ABTB2: variants seen among roughly 807,000 people sequenced by gnomAD.
ABTB2 encodes ankyrin repeat and BTB/POZ domain-containing protein 2.
A neutral mutation model predicts 104.1 loss-of-function variants in ABTB2; 56 were observed. The ratio of observed to expected loss-of-function variants is 0.54; its 90% CI spans 0.43 to 0.67. The LOEUF is 0.67. Among genes scored for constraint, ABTB2 ranks in the 30% least tolerant of loss-of-function variants. The pLI, the probability that ABTB2 is intolerant of heterozygous loss-of-function variation, is 0.00. For synonymous variants in ABTB2, 606 were observed against 608.2 expected, an observed-to-expected ratio of 1.00 and a Z score of 0.05; for missense variants, 1,279 against 1,407.7, an observed-to-expected ratio of 0.91 and a Z score of 1.46.
chr11:34,158,295 C>G (rs1183720530), intron 14 of ABTB2, among the ~76,000 whole-genome samples: 1 of 152,168 alleles, frequency 6.6e-6, no homozygotes. Flanking sequence ...CGCCTGTAGT[C>G]CCAGCTACTC....
chr11:34,194,366 G>A (rs1853220192), intron 3 of ABTB2, among the ~76,000 whole-genome samples: 1 of 152,198 alleles, frequency 6.6e-6, no homozygotes, highest in South Asian at 2.1e-4. Flanking sequence ...AACTCAGTCC[G>A]CCATGCTTCC....
intron 9 of ABTB2, among the ~76,000 whole-genome samples, chr11:34,164,217 C>T (rs545497309): frequency 1.3e-5 from 2 of 152,214 alleles, no homozygotes; most frequent in African/African-American, 4.8e-5. Flanking sequence ...TCCCGCCACA[C>T]CCCTGGGCAG....
chr11:34,302,023 G>A (rs977095052), intron 1 of ABTB2, among the ~76,000 whole-genome samples: 6 of 152,078 alleles, frequency 3.9e-5, no homozygotes, highest in African/African-American at 1.2e-4. Context: ...TACATGTCAG[G>A]GTATGACATT....
intron 1 of ABTB2, among the ~76,000 whole-genome samples, chr11:34,245,709 C>G (rs563356211): frequency 6.6e-6 from 1 of 152,172 alleles, no homozygotes; most frequent in Non-Finnish European, 1.5e-5. Context: ...GGCTCATACA[C>G]TCTGATGTAC....
rs374948651 is a variant in ABTB2, at chr11:34,266,415, C to T, written c.884-61725G>A. 2.6e-4 allele frequency among the ~76,000 whole-genome samples: 40 copies of T among 152,322 alleles called. No individual in the cohort carries two copies. In the East Asian group the frequency reaches 4.2e-3, roughly 16 times the overall value. On this transcript the variant is annotated intron_variant, in intron 1 of 16. Coordinates refer to ENST00000435224, the MANE Select transcript of ABTB2 (RefSeq NM_145804.3). ...TTATATGACTCTAAAGAAGTCACAT[C>T]CCTGGCCTGGGCCTTAGTTTCCTCA...
chr11:34,159,407 C>A (rs1378583162), intron 13 of ABTB2, 21 bp from the exon 14 acceptor site: 1 of 1,586,136 alleles, frequency 6.3e-7, no homozygotes, highest in South Asian at 1.1e-5. Flanking sequence ...GGAGACAAAG[C>A]AAGGTGGGTT....
chr11:34,301,386 T>A (rs779440638), intron 1 of ABTB2, among the ~76,000 whole-genome samples: 1 of 152,166 alleles, frequency 6.6e-6, no homozygotes, highest in Non-Finnish European at 1.5e-5. Context: ...TTTCGAATGA[T>A]CACTTGACTA....
chr11:34,351,074 A>G (rs10836192), intron 1 of ABTB2, among the ~76,000 whole-genome samples: 10,014 of 152,306 alleles, frequency 0.066, 421 homozygotes, highest in East Asian at 0.2. Context: ...CCTGTCGGAC[A>G]AAGGATGAAT....
At chr11:34,264,880 C>T (rs1854229573) in intron 1 of ABTB2, among the ~76,000 whole-genome samples, 1 of 152,180 alleles carries the variant, frequency 6.6e-6, no homozygotes, top group Admixed American at 6.5e-5. Context: ...GCTTCATTCT[C>T]CTCTAAAACT....
chr11:34,237,435 G>C (rs979147372), intron 1 of ABTB2, among the ~76,000 whole-genome samples: 2 of 151,998 alleles, frequency 1.3e-5, no homozygotes, highest in Admixed American at 1.3e-4. Flanking sequence ...GAGCCACTGC[G>C]CCTGGCCTTT....
chr11:34,308,868 C>CAAAA (rs57658114), intron 1 of ABTB2, among the ~76,000 whole-genome samples: 2,866 of 77,584 alleles, frequency 0.037, 232 homozygotes, highest in African/African-American at 0.12. Flanking sequence ...GAAACTGTCT[C>CAAAA]AAAAAAAAAA....
chr11:34,340,428 A>G (rs574454940), intron 1 of ABTB2, among the ~76,000 whole-genome samples: 15 of 152,226 alleles, frequency 9.9e-5, no homozygotes, highest in Non-Finnish European at 2.1e-4. Context: ...GCCATTTCGC[A>G]GATGAGAAGA....
chr11:34,180,488 A>G (rs1390866259), intron 3 of ABTB2, among the ~76,000 whole-genome samples: 2 of 152,252 alleles, frequency 1.3e-5, no homozygotes, highest in Non-Finnish European at 2.9e-5. Context: ...CGTCATATGC[A>G]TACATGCAGA....
At position 34,152,266 on chromosome 11, in the gene ABTB2, T is replaced by TG; in HGVS notation, c.*120dup. Reference sequence around the variant, plus strand: ...GCTGCCCGGTGACAGGGGGGACATCTGGGGGAGGAGGAGGAAACAGCCCCG... The same window carrying TG: ...GCTGCCCGGTGACAGGGGGGACATCTGGGGGGAGGAGGAGGAAACAGCCCCG... On this transcript the variant is annotated 3_prime_UTR_variant, in exon 17 of 17. Transcript: ENST00000435224. 2 of 1,119,244 alleles carry TG rather than the reference T, an allele frequency of 1.8e-6. No individual in the cohort carries two copies. Among genetic ancestry groups the TG allele is most frequent in the Non-Finnish European group, 2.5e-6 (2 of 798,792 alleles). The allele number at this position is 1,119,244 out of a possible 1,614,324, so 69.3% of individuals were successfully genotyped here.
chr11:34,245,510 C>G (rs1853974155), intron 1 of ABTB2, among the ~76,000 whole-genome samples: 1 of 152,194 alleles, frequency 6.6e-6, no homozygotes, highest in South Asian at 2.1e-4. Flanking sequence ...GGTGTGGAGA[C>G]ACCTGCGGCA....
chr11:34,221,145 A>AT (rs1472394295), intron 1 of ABTB2, among the ~76,000 whole-genome samples: 2 of 151,562 alleles, frequency 1.3e-5, no homozygotes, highest in South Asian at 2.1e-4. Flanking sequence ...TAATTTTTGT[A>AT]TTTTTTTAGT....
chr11:34,246,429 C>T (rs562232658), intron 1 of ABTB2, among the ~76,000 whole-genome samples: 161 of 152,100 alleles, frequency 1.1e-3, no homozygotes, highest in African/African-American at 3.5e-3. Context: ...TGGAGAAACT[C>T]TGTCTTTACT....
chr11:34,237,942 C>T (rs915689664), intron 1 of ABTB2, among the ~76,000 whole-genome samples: 1 of 152,052 alleles, frequency 6.6e-6, no homozygotes, highest in African/African-American at 2.4e-5. Flanking sequence ...CACCCTGGAC[C>T]ACACTCTCAC....
intron 1 of ABTB2, among the ~76,000 whole-genome samples, chr11:34,307,819 C>G (rs1854796466): frequency 6.6e-6 from 1 of 152,162 alleles, no homozygotes; most frequent in Non-Finnish European, 1.5e-5. Context: ...CTGCCTCAGC[C>G]TCCCACATAG....
Sources: allele counts gnomAD v4.1 joint callset (sites outside exome capture counted in the v4.1 genomes callset), GRCh38; gene constraint gnomAD v4.1.1; transcripts MANE v1.5; gene names NCBI Gene and HGNC (gene_info 2026-07-23, HGNC 2026-07-21).